The following MROH2A variants were observed in gnomAD, a reference collection of about 807,000 sequenced individuals.
MROH2A encodes the protein maestro heat-like repeat-containing protein family member 2A.
MROH2A carries 174 observed loss-of-function variants against 200.4 expected under a neutral mutation model. That is an observed-to-expected ratio of 0.87 (90% CI 0.77 to 0.98). The LOEUF is 0.98. Among genes scored for constraint, MROH2A ranks in the 50% least tolerant of loss-of-function variants. The pLI, the probability that MROH2A is intolerant of heterozygous loss-of-function variation, is 0.00. For missense variants in MROH2A, 2,045 were observed against 2,139.6 expected, an observed-to-expected ratio of 0.96 and a Z score of 0.87; for synonymous variants, 829 against 840.4, an observed-to-expected ratio of 0.99 and a Z score of 0.23.
chr2:233,801,815 C>T (rs1575952317), intron 14 of MROH2A, among the ~76,000 whole-genome samples: 1 of 152,218 alleles, frequency 6.6e-6, no homozygotes, highest in East Asian at 1.9e-4. Flanking sequence ...ACAACTGGAT[C>T]ATCTGCCCGG....
intron 12 of MROH2A, 78 bp from the exon 13 acceptor site, chr2:233,799,702 C>G: frequency 6.5e-7 from 1 of 1,527,480 alleles, no homozygotes; most frequent in Non-Finnish European, 8.8e-7. Context: ...CCCCCAATTC[C>G]TAGCTCTCTA....
chr2:233,828,652 A>G lies in MROH2A; in HGVS notation c.4136A>G (p.Tyr1379Cys), dbSNP rs572080621. 3.4e-4 allele frequency: 535 copies of G among 1,550,738 alleles called. 7 individuals are homozygous for G. The South Asian group carries it at 5.7e-3, about 17-fold the overall frequency. Residue 1379 changes from tyrosine (Y) to cysteine (C), a missense_variant, in exon 36 of 42, where the codon TAC becomes TGC. Transcript: ENST00000389758. The surrounding 1 kb of genome is among the most constrained non-coding windows in gnomAD (Gnocchi z 4.6). Reference protein sequence around the residue: ...AVCFMSGPVLYQEKLLKPAAL... With the variant: ...AVCFMSGPVLCQEKLLKPAAL... ...CAGTTCATGAGCGGCCCAGTTCTGTACCAGGAGAAGCTGCTGAAGCCGGCA... is the reference window on the plus strand; with the variant it reads ...CAGTTCATGAGCGGCCCAGTTCTGTGCCAGGAGAAGCTGCTGAAGCCGGCA...
At chr2:233,783,032 G>A (rs530699113) in intron 3 of MROH2A, among the ~76,000 whole-genome samples, 4 of 152,236 alleles carry the variant, frequency 2.6e-5, no homozygotes, top group Admixed American at 6.5e-5. Flanking sequence ...TGATTTGTGT[G>A]TATTGGACCA....
At chr2:233,803,627 C>T in intron 16 of MROH2A, 139 bp downstream of exon 16, 1 of 862,288 alleles carries the variant, frequency 1.2e-6, no homozygotes, top group Non-Finnish European at 1.8e-6. Flanking sequence ...CTTGGCAGGA[C>T]AGATCATTCC....
At chr2:233,812,215 C>T (rs1410758417) in intron 24 of MROH2A, among the ~76,000 whole-genome samples, 1 of 152,178 alleles carries the variant, frequency 6.6e-6, no homozygotes, top group Non-Finnish European at 1.5e-5. Flanking sequence ...GTGGGCTGCT[C>T]TTCCATTGAT....
At chr2:233,795,124 C>T (rs1278489837) in intron 8 of MROH2A, among the ~76,000 whole-genome samples, 5 of 152,196 alleles carry the variant, frequency 3.3e-5, no homozygotes, top group African/African-American at 1.2e-4. Flanking sequence ...AATAAGGTCA[C>T]ATTATCAGAT....
intron 11 of MROH2A, among the ~76,000 whole-genome samples, chr2:233,796,772 C>T (rs985238149): frequency 6.6e-6 from 1 of 152,194 alleles, no homozygotes; most frequent in African/African-American, 2.4e-5. Flanking sequence ...TTGAAGAAGG[C>T]CCCTGTTGAC....
intron 3 of MROH2A, among the ~76,000 whole-genome samples, chr2:233,780,449 GC>G (rs1700903491): frequency 6.6e-6 from 1 of 152,194 alleles, no homozygotes; most frequent in Non-Finnish European, 1.5e-5. Context: ...GATCTGGAGA[GC>G]CTACTTTGAG....
rs1369555027 is a variant in MROH2A at position 233,799,808 on chromosome 2, G to C, written c.1358G>C (p.Gly453Ala). The C allele has an allele frequency of 6.4e-7, 1 of 1,550,502 alleles. No individual in the cohort carries two copies. Among genetic ancestry groups the C allele is most frequent in the South Asian group, 1.2e-5 (1 of 84,046 alleles). The change falls in exon 13 of 42, where the codon GGG becomes GCG. Residue 453 changes from glycine (G) to alanine (A), a missense_variant. Gly to Ala is a moderately conservative substitution (Grantham distance 60, BLOSUM62 0). Around this residue, in one of 3 missense-constraint regions of MROH2A, gnomAD observed 831 missense variants for 800.0 expected, o/e 1.04. Transcript: ENST00000389758. ...AGGATGGCTATTCTCCACATCATTGGGCAGTTGGCTCTCTGTGGCTACCAG... is the reference window on the plus strand; with the variant it reads ...AGGATGGCTATTCTCCACATCATTGCGCAGTTGGCTCTCTGTGGCTACCAG... ...KVRMAILHII[G>A]QLALCGYQER...
chr2:233,819,770 A>T, intron 30 of MROH2A, 132 bp from the exon 31 acceptor site: 1 of 996,430 alleles, frequency 1.0e-6, no homozygotes, highest in African/African-American at 1.6e-5. Flanking sequence ...TGCACTAGAG[A>T]GGGTGCTGGG....
chr2:233,810,093 C>T (rs1277474162), intron 22 of MROH2A, among the ~76,000 whole-genome samples: 3 of 152,248 alleles, frequency 2.0e-5, no homozygotes, highest in Non-Finnish European at 4.4e-5. Context: ...ATAACCTCTC[C>T]TGCCTCTATG....
chr2:233,805,225 G>C, intron 19 of MROH2A, 114 bp downstream of exon 19: 2 of 650,500 alleles, frequency 3.1e-6, no homozygotes, highest in South Asian at 2.0e-5. Flanking sequence ...CTGTTTACAG[G>C]GTCCTGGGAG....
intron 12 of MROH2A, 31 bp from the exon 13 acceptor site, chr2:233,799,749 C>A: frequency 6.5e-7 from 1 of 1,549,798 alleles, no homozygotes. Flanking sequence ...CCACCCCAAC[C>A]CCCAGCATGT....
In MROH2A at chr2:233,789,760, A is replaced by G. The variant is rs186940400; in HGVS notation, c.409-92A>G. On this transcript the variant is annotated intron_variant, in intron 4 of 41. Coordinates refer to ENST00000389758, the MANE Select transcript of MROH2A (RefSeq NM_001394639.1). ...CAGGGGTAAGGCTGAGCCCAAGGGA[A>G]CCAGGAGGGGTGGAGAGAGCCTGGG... The G allele has an allele frequency of 7.1e-5, 106 of 1,483,410 alleles. 1 individual carries two copies. The African/African-American group carries it at 1.3e-3, about 18-fold the overall frequency. The allele number at this position is 1,483,410 out of a possible 1,614,324, so 91.9% of individuals were successfully genotyped here. A position where few individuals can be genotyped will look rare whatever the true frequency, so the allele number is the denominator to read the frequency against.
At chr2:233,816,928 T>C in intron 27 of MROH2A, 43 bp downstream of exon 27, 3 of 1,218,618 alleles carry the variant, frequency 2.5e-6, no homozygotes, top group Admixed American at 2.1e-5. Context: ...TGCTCTGACA[T>C]GCACAGAAAA....
chr2:233,786,973 TGTTATCA>T (rs903973792), intron 3 of MROH2A, among the ~76,000 whole-genome samples: 1 of 152,154 alleles, frequency 6.6e-6, no homozygotes, highest in Admixed American at 6.5e-5. Context: ...ACACGTGCAT[TGTTATCA>T]GTTTTCTAGG....
In MROH2A at chr2:233,811,936, G is replaced by A. The variant is rs757004912; in HGVS notation, c.2628G>A (p.Ala876=). 127 of 1,550,104 alleles carry A rather than the reference G, an allele frequency of 8.2e-5. No individual in the cohort carries two copies. The highest frequency in any genetic ancestry group is 9.2e-5 in the Non-Finnish European group (106 of 1,146,830). ...DNLVSPVRAL[A]MEALSHLSKL... ...TGGTTTCTCCAGTGCGAGCCTTGGC[G>A]ATGGAGGCCCTCTCGCACCTGAGGT... Residue 876 remains alanine, a synonymous_variant, in exon 24 of 42, where the codon GCG becomes GCA. Transcript: ENST00000389758.
At chr2:233,806,890 G>A (rs1270402670) in intron 19 of MROH2A, among the ~76,000 whole-genome samples, 4 of 151,934 alleles carry the variant, frequency 2.6e-5, no homozygotes, top group African/African-American at 9.7e-5. Flanking sequence ...TGCACCCATC[G>A]CCCAAGCAGT....
At chr2:233,804,235 C>T (rs1210422031) in intron 17 of MROH2A, 43 bp downstream of exon 17, 20 of 1,546,686 alleles carry the variant, frequency 1.3e-5, no homozygotes, top group East Asian at 4.9e-5. Flanking sequence ...CCCTCCAATC[C>T]GTGTATGTGC....
Sources: gnomAD v4.1 joint callset for allele counts (sites outside exome capture counted in the v4.1 genomes callset) on GRCh38, gnomAD v4.1.1 for gene constraint, gnomAD v4.1.1 regional missense constraint, Gnocchi (gnomAD v3.1) non-coding constraint, MANE v1.5 for transcripts, NCBI Gene and HGNC (gene_info 2026-07-23, HGNC 2026-07-21) for gene names.